SIN3A: variants seen among roughly 807,000 people sequenced by gnomAD.
SIN3A encodes SIN3 transcription regulator family member A.
A neutral mutation model predicts 146.1 loss-of-function variants in SIN3A; 14 were observed. The ratio of observed to expected loss-of-function variants is 0.10; its 90% CI spans 0.06 to 0.15. The LOEUF (loss-of-function observed/expected upper bound fraction) is 0.15, where lower values mean the gene tolerates loss of function less well. Ranked by LOEUF, SIN3A falls within the 10% of genes least tolerant of loss-of-function variation. The pLI, the probability that SIN3A is intolerant of heterozygous loss-of-function variation, is 1.00. For synonymous variants in SIN3A, 572 were observed against 572.0 expected (o/e 1.00, Z 0.00); for missense variants, 1,028 against 1,576.0 (o/e 0.65, Z 5.89).
intron 1 of SIN3A, chr15:75,447,773 GTCC>G (rs2074333297): frequency 6.6e-6 from 1 of 152,106 alleles, no homozygotes; most frequent in Non-Finnish European, 1.5e-5. Flanking sequence ...CTCATGAAGG[GTCC>G]ACTGTCATGC....
At chr15:75,442,047 G>A (rs2074221522) in intron 1 of SIN3A, among the ~76,000 whole-genome samples, 1 of 135,360 alleles carries the variant, frequency 7.4e-6, no homozygotes, top group African/African-American at 2.8e-5. Context: ...TTGAACCCAG[G>A]AGGCAGAGGT....
At chr15:75,405,623 C>T (rs1006293911) in intron 9 of SIN3A, among the ~76,000 whole-genome samples, 8 of 151,666 alleles carry the variant, frequency 5.3e-5, no homozygotes, top group African/African-American at 1.9e-4. Context: ...CGGTAGTAGG[C>T]GCCTGTAGTC....
At chr15:75,451,013 A>AC (rs1332687103) in intron 1 of SIN3A, among the ~76,000 whole-genome samples, 73 of 142,070 alleles carry the variant, frequency 5.1e-4, no homozygotes, top group African/African-American at 1.2e-3. Flanking sequence ...CACGCGGGAG[A>AC]CCCCCCCCTA....
intron 19 of SIN3A, among the ~76,000 whole-genome samples, chr15:75,378,402 T>C (rs1195057099): frequency 1.3e-5 from 2 of 152,174 alleles, no homozygotes; most frequent in Middle Eastern, 3.4e-3. Context: ...CCATCTCTAC[T>C]AAAAATACAG....
In SIN3A at chr15:75,430,324, G is replaced by A. The variant is rs765335635; in HGVS notation, c.52C>T (p.Arg18Cys). ...QESPVYAAQQ[R>C]RIPGSTEAFP... The stretch of plus-strand genomic sequence containing the variant: ...GCCTCTGTGCTGCCAGGGATCCGAC[G>A]CTGCTGGGCTGCATACACCGGTGAC... Residue 18 changes from arginine to cysteine, a missense_variant, in exon 2 of 21, where the codon CGT becomes TGT. Arg to Cys is a radical substitution (Grantham distance 180, BLOSUM62 -3). Around this residue, in one of 9 missense-constraint regions of SIN3A, gnomAD observed 152 missense variants for 231.5 expected, o/e 0.66. Coordinates refer to ENST00000394947, the MANE Select transcript of SIN3A (RefSeq NM_001145358.2). 23 of 1,613,978 alleles carry A rather than the reference G, an allele frequency of 1.4e-5. No individual in the cohort carries two copies. The South Asian group carries it at 1.5e-4, about 11-fold the overall frequency.
intron 14 of SIN3A, 104 bp from the exon 15 acceptor site, chr15:75,392,919 T>C: frequency 1.1e-6 from 1 of 892,342 alleles, no homozygotes; most frequent in Non-Finnish European, 1.7e-6. Context: ...ACAGTGTCTA[T>C]ATTTTTCTAA....
At chr15:75,387,561 TAAAAA>T (rs33945328) in intron 16 of SIN3A, among the ~76,000 whole-genome samples, 6 of 113,108 alleles carry the variant, frequency 5.3e-5, no homozygotes, top group Non-Finnish European at 6.9e-5. Flanking sequence ...CTGTTTCCAT[TAAAAA>T]AAAAAAAAAA....
In SIN3A at chr15:75,400,960, A is replaced by G. The variant is rs1383803723; in HGVS notation, c.1527-20T>C. On this transcript the variant is annotated intron_variant, in intron 10 of 20. Coordinates refer to ENST00000394947, the MANE Select transcript of SIN3A (RefSeq NM_001145358.2). ...AATTTCCTGAAGAATCAAACCAAAA[A>G]GTGACAAGCAATTAGGGGCAGGATG... The G allele has an allele frequency of 6.3e-7, 1 of 1,576,428 alleles. No homozygotes were observed.
chr15:75,425,727 G>A (rs1420312687), intron 2 of SIN3A, among the ~76,000 whole-genome samples: 1 of 152,054 alleles, frequency 6.6e-6, no homozygotes, highest in Non-Finnish European at 1.5e-5. Flanking sequence ...CACCACAGAA[G>A]ACAACAATCT....
At chr15:75,446,811 G>T (rs530552894) in intron 1 of SIN3A, among the ~76,000 whole-genome samples, 1 of 151,418 alleles carries the variant, frequency 6.6e-6, no homozygotes, top group Admixed American at 6.6e-5. Flanking sequence ...TCGCTCTGTC[G>T]CCCAGGCTAG....
intron 1 of SIN3A, among the ~76,000 whole-genome samples, chr15:75,450,021 C>G (rs573561634): frequency 6.6e-6 from 1 of 152,216 alleles, no homozygotes; most frequent in Admixed American, 6.5e-5. Context: ...CTCAAGTGAT[C>G]CACCTGCCTC....
At chr15:75,438,408 G>A (rs1274494027) in intron 1 of SIN3A, among the ~76,000 whole-genome samples, 24 of 152,022 alleles carry the variant, frequency 1.6e-4, no homozygotes. Context: ...GGGATGCTGG[G>A]TGTAGCAGCT....
rs936799559 is a variant in SIN3A, at chr15:75,371,086, A to G, written c.*893T>C. Reference sequence around the variant, plus strand: ...TCTTGTACATCTGTTCATAGGTACTAAATCTGAAGCCACAGTACTATGGTA... The same window carrying G: ...TCTTGTACATCTGTTCATAGGTACTGAATCTGAAGCCACAGTACTATGGTA... On this transcript the variant is annotated 3_prime_UTR_variant, in exon 21 of 21. Transcript: ENST00000394947. 1 of 152,668 alleles carries G rather than the reference A, an allele frequency of 6.6e-6. No homozygotes were observed. The highest frequency in any genetic ancestry group is 2.4e-5 in the African/African-American group (1 of 41,456). 9.5% of individuals were successfully genotyped at this position (152,668 alleles called of 1,614,324 possible). A position where few individuals can be genotyped will look rare whatever the true frequency, so the allele number is the denominator to read the frequency against.
chr15:75,427,072 T>A (rs539547508), intron 2 of SIN3A, among the ~76,000 whole-genome samples: 55 of 151,694 alleles, frequency 3.6e-4, no homozygotes, highest in African/African-American at 9.7e-4. Flanking sequence ...ATCCTTTTTT[T>A]AAAAAAAAAT....
intron 1 of SIN3A, among the ~76,000 whole-genome samples, chr15:75,433,015 TG>T (rs1213931542): frequency 4.6e-5 from 7 of 152,136 alleles, no homozygotes; most frequent in African/African-American, 1.7e-4. Context: ...CACCCCAGGC[TG>T]GGGGACAGCG....
intron 1 of SIN3A, chr15:75,448,175 T>TA (rs59766455): frequency 0.11 from 14,980 of 133,694 alleles, 1,032 homozygotes; most frequent in Non-Finnish European, 0.17. Context: ...AGACTTCGTC[T>TA]AAAAAAAAAA....
intron 19 of SIN3A, among the ~76,000 whole-genome samples, chr15:75,376,694 C>CA (rs34480581): frequency 0.02 from 2,766 of 141,726 alleles, 154 homozygotes; most frequent in Admixed American, 0.11. Flanking sequence ...CCCTTCTCTA[C>CA]AAAAAAAAAA....
intron 12 of SIN3A, among the ~76,000 whole-genome samples, chr15:75,399,033 T>TA (rs540802077): frequency 2.3e-3 from 303 of 131,066 alleles, no homozygotes; most frequent in Middle Eastern, 3.9e-3. Context: ...ATTTAAAGTT[T>TA]AAAAAAAAAA....
chr15:75,451,314 C>T (rs1171439574), intron 1 of SIN3A, 109 bp downstream of exon 1: 1 of 129,504 alleles, frequency 7.7e-6, no homozygotes, highest in Non-Finnish European at 1.7e-5. Flanking sequence ...CCCGTCTGCT[C>T]TACGGGAAGC....
Sources: allele counts gnomAD v4.1 joint callset (sites outside exome capture counted in the v4.1 genomes callset), GRCh38; gene constraint gnomAD v4.1.1; regional missense constraint gnomAD v4.1.1; transcripts MANE v1.5; gene names NCBI Gene and HGNC (gene_info 2026-07-23, HGNC 2026-07-21).